The following ENPP1 variants were observed in gnomAD, a reference collection of about 807,000 sequenced individuals.
ENPP1 encodes ectonucleotide pyrophosphatase/phosphodiesterase 1.
A neutral mutation model predicts 122.8 loss-of-function variants in ENPP1; 73 were observed. The ratio of observed to expected loss-of-function variants is 0.59; its 90% CI spans 0.49 to 0.72. ENPP1 has a LOEUF of 0.72. Among genes scored for constraint, ENPP1 ranks in the 30% least tolerant of loss-of-function variants. The probability of loss-of-function intolerance (pLI) is 0.00; values close to 1 mark genes in which losing one functional copy is unlikely to be tolerated. For synonymous variants in ENPP1, 367 were observed against 391.6 expected (o/e 0.94, Z 0.74); for missense variants, 978 against 1,128.1 (o/e 0.87, Z 1.91).
At chr6:131,881,797 T>G (rs7749870) in intron 20 of ENPP1, among the ~76,000 whole-genome samples, 76,321 of 151,604 alleles carry the variant, frequency 0.5, 22,173 homozygotes, top group African/African-American at 0.81. Flanking sequence ...AGCGGATGGA[T>G]CACCTGAGGT....
At chr6:131,883,620 C>A in intron 21 of ENPP1, 74 bp from the exon 22 acceptor site, 1 of 815,974 alleles carries the variant, frequency 1.2e-6, no homozygotes, top group Non-Finnish European at 2.2e-6. Context: ...AAAATGCTCC[C>A]CTAACCATGA....
At chr6:131,887,133 A>G (rs1782390550) in intron 24 of ENPP1, among the ~76,000 whole-genome samples, 1 of 151,862 alleles carries the variant, frequency 6.6e-6, no homozygotes, top group African/African-American at 2.4e-5. Context: ...ACTAAAGTCT[A>G]GGTTTATCTG....
intron 1 of ENPP1, among the ~76,000 whole-genome samples, chr6:131,822,215 T>C (rs1781492201): frequency 6.6e-6 from 1 of 152,198 alleles, no homozygotes; most frequent in Non-Finnish European, 1.5e-5. Context: ...TTGTTATCTC[T>C]TAGAAACTTT....
chr6:131,873,772 T>C (rs1370147445), intron 15 of ENPP1, among the ~76,000 whole-genome samples: 1 of 152,150 alleles, frequency 6.6e-6, no homozygotes, highest in Non-Finnish European at 1.5e-5. Flanking sequence ...AACAGAATTA[T>C]ACTGTCTCCA....
At chr6:131,826,827 A>G in intron 1 of ENPP1, 1 of 391,578 alleles carries the variant, frequency 2.6e-6, no homozygotes, top group Non-Finnish European at 4.8e-6. Flanking sequence ...CTGTTGAGGG[A>G]GAACACAGCC....
At chr6:131,860,793 T>C (rs898787448) in intron 8 of ENPP1, among the ~76,000 whole-genome samples, 25 of 139,254 alleles carry the variant, frequency 1.8e-4, no homozygotes, top group Admixed American at 1.4e-4. Flanking sequence ...ATGGGGGTAA[T>C]AGCTTTGATC....
intron 12 of ENPP1, among the ~76,000 whole-genome samples, chr6:131,868,427 T>C (rs1325698438): frequency 6.6e-6 from 1 of 152,182 alleles, no homozygotes; most frequent in African/African-American, 2.4e-5. Context: ...CTGATTATTA[T>C]AGCTTCAATT....
chr6:131,867,527 T>C (rs1782106081), intron 11 of ENPP1, among the ~76,000 whole-genome samples: 1 of 152,190 alleles, frequency 6.6e-6, no homozygotes, highest in Non-Finnish European at 1.5e-5. Context: ...AATTTGAACA[T>C]TTTTGAAAAT....
In ENPP1 at chr6:131,858,612, AG is replaced by A. The variant is rs1316315896; in HGVS notation, c.716-54del. ...ACTGCTGTGGTACCACTGCTAAATGAGGTAAGCCAATTGTCAGATGTATTTA... is the reference window on the plus strand; with the variant it reads ...ACTGCTGTGGTACCACTGCTAAATGAGTAAGCCAATTGTCAGATGTATTTA... On this transcript the variant is annotated intron_variant, in intron 6 of 24. Coordinates refer to ENST00000647893, the MANE Select transcript of ENPP1 (RefSeq NM_006208.3). The A allele has an allele frequency of 7.9e-6, 9 of 1,143,380 alleles. No homozygotes were observed. In the African/African-American group the frequency reaches 1.4e-4, roughly 17 times the overall value. 70.8% of individuals were successfully genotyped at this position (1,143,380 alleles called of 1,614,324 possible).
chr6:131,842,146 C>A (rs1272206683), intron 1 of ENPP1, among the ~76,000 whole-genome samples: 4 of 152,146 alleles, frequency 2.6e-5, no homozygotes, highest in African/African-American at 9.7e-5. Context: ...AGCTCACCTT[C>A]CTTAAACTGT....
intron 13 of ENPP1, among the ~76,000 whole-genome samples, chr6:131,870,833 C>T (rs1401007943): frequency 6.6e-6 from 1 of 152,136 alleles, no homozygotes; most frequent in Non-Finnish European, 1.5e-5. Context: ...TATTCCAGCA[C>T]TTTGGGAGGC....
chr6:131,827,289 G>A, intron 1 of ENPP1: 1 of 1,329,780 alleles, frequency 7.5e-7, no homozygotes, highest in Non-Finnish European at 1.1e-6. Flanking sequence ...GGAATAAAAA[G>A]GATCATACTG....
chr6:131,827,666 T>C (rs1307324880), intron 1 of ENPP1: 2 of 637,874 alleles, frequency 3.1e-6, no homozygotes, highest in Non-Finnish European at 5.9e-6. Flanking sequence ...ATGATGTCCT[T>C]CTGCTCTACG....
intron 1 of ENPP1, among the ~76,000 whole-genome samples, chr6:131,817,757 A>ACACACACACT (rs1781432366): frequency 9.3e-6 from 1 of 107,884 alleles, no homozygotes; most frequent in Non-Finnish European, 2.0e-5. Context: ...CTCTCCATAC[A>ACACACACACT]CACACACACA....
chr6:131,833,218 C>T (rs962589713), intron 1 of ENPP1, among the ~76,000 whole-genome samples: 5 of 151,916 alleles, frequency 3.3e-5, no homozygotes, highest in Non-Finnish European at 7.4e-5. Context: ...CTTGTCAGAG[C>T]TTGTGATTAT....
In ENPP1 at chr6:131,860,504, C is replaced by A. The variant is rs374270497; in HGVS notation, c.913C>A (p.Pro305Thr). Residue 305 changes from proline to threonine, a missense_variant and splice_region_variant, in exon 8 of 25, where the codon CCA becomes ACA. Pro to Thr is a conservative substitution (Grantham distance 38). This residue lies in a region of ENPP1 where 644 missense variants were observed against 781.5 expected (regional missense o/e 0.82). Transcript: ENST00000647893. ...KFNPEWYKGE[P>T]IWVTAKYQGL... is the part of the protein sequence containing the mutation. ...TAATCCTGAGTGGTACAAAGGAGAA[C>A]CAGTGAGTTCTTTGTTTTTCTACTA... 163 of 1,589,028 alleles carry A rather than the reference C, an allele frequency of 1.0e-4. No individual in the cohort carries two copies. The highest frequency in any genetic ancestry group is 1.3e-4 in the Non-Finnish European group (149 of 1,158,970).
At chr6:131,858,271 C>A (rs1781974953) in intron 6 of ENPP1, among the ~76,000 whole-genome samples, 1 of 152,190 alleles carries the variant, frequency 6.6e-6, no homozygotes, top group African/African-American at 2.4e-5. Context: ...GGGACCCTGT[C>A]TTCCCAGCTA....
At position 131,892,330 on chromosome 6, in the gene ENPP1, C is replaced by G. The variant is rs1200241238; in HGVS notation, c.*1819C>G. 1.3e-5 allele frequency: 2 copies of G among 152,350 alleles called. No homozygotes were observed. Among genetic ancestry groups the G allele is most frequent in the East Asian group, 3.9e-4 (2 of 5,184 alleles). The allele number at this position is 152,350 out of a possible 1,614,324, so 9.4% of individuals were successfully genotyped here. ...AATTGGGAGCACTGCTTCATTATTA[C>G]CAGGTGTGGCTAGGAGTCCAGGTTC... On this transcript the variant is annotated 3_prime_UTR_variant, in exon 25 of 25. Transcript: ENST00000647893.
chr6:131,826,312 A>G, intron 1 of ENPP1: 1 of 1,372,078 alleles, frequency 7.3e-7, no homozygotes, highest in Non-Finnish European at 1.0e-6. Context: ...TTCTTCTGGA[A>G]TGAAGGTCAA....
Sources: allele counts gnomAD v4.1 joint callset (sites outside exome capture counted in the v4.1 genomes callset), GRCh38; gene constraint gnomAD v4.1.1; regional missense constraint gnomAD v4.1.1; transcripts MANE v1.5; gene names NCBI Gene and HGNC (gene_info 2026-07-23, HGNC 2026-07-21).